Variants in CHLSN observed in about 807,000 individuals in gnomAD.
The protein encoded by CHLSN is protein cholesin.
chr7:1,038,321 G>A, the CHLSN span, among the ~76,000 whole-genome samples: 4 of 94,316 alleles, frequency 4.2e-5, no homozygotes, highest in Non-Finnish European at 9.4e-5. Context: ...TCAGCCCCCC[G>A]CCCGGCCAGC....
the CHLSN span, among the ~76,000 whole-genome samples, chr7:1,133,346 T>A: frequency 6.9e-6 from 1 of 145,896 alleles, no homozygotes; most frequent in African/African-American, 2.6e-5. Context: ...GGAAAAAGTC[T>A]TAAAATTAGA....
chr7:1,104,947 T>A, the CHLSN span, among the ~76,000 whole-genome samples: 2 of 152,168 alleles, frequency 1.3e-5, no homozygotes, highest in Admixed American at 1.3e-4. Context: ...GTGATGTTAG[T>A]TCACTTAACT....
the CHLSN span, among the ~76,000 whole-genome samples, chr7:1,001,090 G>C: frequency 1.3e-5 from 2 of 152,190 alleles, no homozygotes; most frequent in African/African-American, 4.8e-5. Flanking sequence ...AGGGCCTGTG[G>C]ACATCAGGCA....
chr7:1,070,874 ACG>A, the CHLSN span, among the ~76,000 whole-genome samples: 14 of 145,400 alleles, frequency 9.6e-5, no homozygotes, highest in East Asian at 2.1e-4. Context: ...GGGTGCGCAC[ACG>A]TGCACATGCA....
the CHLSN span, among the ~76,000 whole-genome samples, chr7:1,079,896 C>A: frequency 6.6e-6 from 1 of 152,264 alleles, no homozygotes. Flanking sequence ...CCGTCAAGAA[C>A]ACACAATTCT....
chr7:1,011,736 A>T, the CHLSN span, among the ~76,000 whole-genome samples: 1 of 151,784 alleles, frequency 6.6e-6, no homozygotes, highest in African/African-American at 2.4e-5. Flanking sequence ...ACAGACACCC[A>T]CAAACACCAT....
At chr7:1,055,319 G>A in the CHLSN span, 1 of 471,156 alleles carries the variant, frequency 2.1e-6, no homozygotes, top group Non-Finnish European at 4.4e-6. Context: ...ACACGCACGC[G>A]CAGGCGGCCA....
the CHLSN span, chr7:1,092,256 G>A: frequency 6.2e-7 from 1 of 1,612,356 alleles, no homozygotes; most frequent in Non-Finnish European, 8.5e-7. Context: ...ACGCCCGGCT[G>A]AGCTGTGGCC....
the CHLSN span, among the ~76,000 whole-genome samples, chr7:1,035,169 G>T: frequency 2.0e-4 from 30 of 151,750 alleles, no homozygotes; most frequent in African/African-American, 6.5e-4. Flanking sequence ...ACAGTGCTAG[G>T]CTGGTGTCAT....
the CHLSN span, among the ~76,000 whole-genome samples, chr7:1,049,971 G>C: frequency 3.9e-5 from 6 of 152,226 alleles, no homozygotes; most frequent in Non-Finnish European, 8.8e-5. Context: ...CCAACAAGGA[G>C]AGCTGCCCCA....
the CHLSN span, among the ~76,000 whole-genome samples, chr7:1,033,414 C>A: frequency 6.6e-6 from 1 of 151,992 alleles, no homozygotes; most frequent in East Asian, 1.9e-4. Flanking sequence ...AAAAATTAGC[C>A]GGGTGTGGTG....
At chr7:992,452 G>A in the CHLSN span, among the ~76,000 whole-genome samples, 1 of 152,258 alleles carries the variant, frequency 6.6e-6, no homozygotes, top group African/African-American at 2.4e-5. Flanking sequence ...GGCTTAGGAG[G>A]AGACCAAGCT....
chr7:1,000,392 C>T, the CHLSN span: 4 of 1,228,554 alleles, frequency 3.3e-6, no homozygotes, highest in African/African-American at 6.4e-5. Context: ...CACACCTCAG[C>T]CCCCGGGGGG....
the CHLSN span, among the ~76,000 whole-genome samples, chr7:1,039,742 TG>T: frequency 1.6e-5 from 1 of 63,872 alleles, no homozygotes; most frequent in East Asian, 2.9e-4. Context: ...GCAGGAAAGG[TG>T]GGGAAAAGAT....
the CHLSN span, among the ~76,000 whole-genome samples, chr7:1,078,885 C>G: frequency 6.6e-6 from 1 of 152,262 alleles, no homozygotes; most frequent in Admixed American, 6.5e-5. Context: ...AGCCCCAGCT[C>G]AGCCTTCCCC....
At chr7:1,044,982 C>G in the CHLSN span, among the ~76,000 whole-genome samples, 13 of 152,404 alleles carry the variant, frequency 8.5e-5, no homozygotes, top group African/African-American at 3.1e-4. Context: ...TGATCCTGCT[C>G]TCCTGGGCCA....
chr7:979,000 GC>G, the CHLSN span, among the ~76,000 whole-genome samples: 26 of 152,298 alleles, frequency 1.7e-4, no homozygotes, highest in Middle Eastern at 3.4e-3. Flanking sequence ...CTCCACATGG[GC>G]CCCTCTACGA....
At chr7:1,106,435 G>A in the CHLSN span, among the ~76,000 whole-genome samples, 1,993 of 152,336 alleles carry the variant, frequency 0.013, 36 homozygotes, top group African/African-American at 0.045. Flanking sequence ...CCAGGACAGC[G>A]TGGCAGGGAG....
the CHLSN span, chr7:1,138,209 G>C: frequency 3.6e-5 from 2 of 55,426 alleles, no homozygotes; most frequent in African/African-American, 1.4e-4. Context: ...CTGCGCCCAC[G>C]TCGCCCACCT....
Sources: gnomAD v4.1 joint callset for allele counts (sites outside exome capture counted in the v4.1 genomes callset) on GRCh38, gnomAD v4.1.1 for gene constraint, MANE v1.5 for transcripts, NCBI Gene and HGNC (gene_info 2026-07-23, HGNC 2026-07-21) for gene names.